Variants in SH2B3 observed in about 807,000 individuals in gnomAD.
The protein encoded by SH2B3 is SH2B adaptor protein 3.
A neutral mutation model predicts 51.9 loss-of-function variants in SH2B3; 43 were observed. The ratio of observed to expected loss-of-function variants is 0.83; its 90% confidence interval spans 0.65 to 1.07. The LOEUF (loss-of-function observed/expected upper bound fraction) is 1.07, where lower values mean the gene tolerates loss of function less well. SH2B3 is among the 50% of genes least tolerant of loss of function. The probability of loss-of-function intolerance (pLI) is 0.00; values close to 1 mark genes in which losing one functional copy is unlikely to be tolerated. For synonymous variants in SH2B3, 396 were observed against 376.0 expected (o/e 1.05, Z -0.62); for missense variants, 952 against 834.3 (o/e 1.14, Z -1.74).
intron 2 of SH2B3, among the ~76,000 whole-genome samples, chr12:111,431,742 T>C (rs1032484416): frequency 2.6e-5 from 4 of 152,120 alleles, no homozygotes; most frequent in African/African-American, 9.7e-5. Context: ...GCTATTAGCA[T>C]AGACATTAGC....
intron 2 of SH2B3, among the ~76,000 whole-genome samples, chr12:111,432,212 C>T (rs990115817): frequency 8.6e-5 from 13 of 151,892 alleles, no homozygotes; most frequent in Admixed American, 3.9e-4. Flanking sequence ...CCACCACGCC[C>T]GGCTAATTTT....
In SH2B3 at chr12:111,410,026, C is replaced by G. The variant is rs1268737905; in HGVS notation, c.-28+3749C>G. Among the ~76,000 whole-genome samples, 1 of 152,196 alleles carries G rather than the reference C, an allele frequency of 6.6e-6. No individual in the cohort carries two copies. Among genetic ancestry groups the G allele is most frequent in the Admixed American group, 6.5e-5 (1 of 15,278 alleles). ...TTCCTTGTGAGCCAGGCCTGGAGCC[C>G]CTGGGGGCCCACCCGGATGTGGCTA... On this transcript the variant is annotated intron_variant, in intron 1 of 7. Coordinates refer to ENST00000341259, the MANE Select transcript of SH2B3 (RefSeq NM_005475.3). This position sits in a 1 kb window ranked among gnomAD's most constrained non-coding sequence, Gnocchi z 4.9.
At chr12:111,444,945 G>A in intron 2 of SH2B3, 1 of 914,244 alleles carries the variant, frequency 1.1e-6, no homozygotes, top group Non-Finnish European at 1.3e-6. Context: ...AAGGGCTGCT[G>A]TGGGGAGTTG....
intron 2 of SH2B3, among the ~76,000 whole-genome samples, chr12:111,445,149 C>A (rs1475735520): frequency 1.3e-5 from 2 of 152,166 alleles, no homozygotes; most frequent in East Asian, 1.9e-4. Context: ...AGCACTGACA[C>A]TGGGGACTAG....
chr12:111,444,323 C>T (rs1309692450), intron 2 of SH2B3: 1 of 152,196 alleles, frequency 6.6e-6, no homozygotes, highest in African/African-American at 2.4e-5. Context: ...ACGTCTTTGA[C>T]TTTGAGATTC....
Position 111,418,629 on chromosome 12 carries a change from G to GC in SH2B3, c.489dup (p.Gly164ArgfsTer8), listed in dbSNP as rs776317487. The GC allele has an allele frequency of 1.4e-6, 2 of 1,474,126 alleles. No homozygotes were observed. The highest frequency in any genetic ancestry group is 1.8e-6 in the Non-Finnish European group (2 of 1,121,978). The allele number at this position is 1,474,126 out of a possible 1,614,324, so 91.3% of individuals were successfully genotyped here. A position where few individuals can be genotyped will look rare whatever the true frequency, so the allele number is the denominator to read the frequency against. On this transcript the variant is annotated frameshift_variant, in exon 2 of 8. Transcript: ENST00000341259. LOFTEE classifies it high-confidence loss of function. This position sits in a 1 kb window ranked among gnomAD's most constrained non-coding sequence, Gnocchi z 6.7. ...GCTGCCAGCGGCCCACACCGCTGCC[G>GC]CCCCCGGGACCCCCGGAGAGGCTGC...
intron 2 of SH2B3, among the ~76,000 whole-genome samples, chr12:111,446,518 G>C (rs1368009905): frequency 6.6e-6 from 1 of 152,196 alleles, no homozygotes; most frequent in Non-Finnish European, 1.5e-5. Context: ...GGTCCAATGG[G>C]CTGGGAGGGC....
chr12:111,404,846 G>A (rs567391197), upstream of SH2B3, among the ~76,000 whole-genome samples: 2 of 152,366 alleles, frequency 1.3e-5, no homozygotes, highest in South Asian at 2.1e-4. Context: ...TCATAGGCAA[G>A]GAAGTGGAGA....
intron 1 of SH2B3, among the ~76,000 whole-genome samples, chr12:111,412,362 G>A (rs2135536737): frequency 6.6e-6 from 1 of 152,222 alleles, no homozygotes. Flanking sequence ...TTCCTGCCCG[G>A]AGCAGCCTGA....
chr12:111,446,909 C>T (rs752216237), intron 3 of SH2B3, 33 bp from the exon 4 acceptor site: 4 of 1,605,220 alleles, frequency 2.5e-6, no homozygotes, highest in Non-Finnish European at 3.4e-6. Flanking sequence ...ACACATACAG[C>T]AGACCCAACC....
At position 111,446,089 on chromosome 12, in the gene SH2B3, T is replaced by C. The variant is rs1007022379; in HGVS notation, c.733-664T>C. 2.9e-4 allele frequency among the ~76,000 whole-genome samples: 44 copies of C among 152,344 alleles called. 1 individual carries two copies. The highest frequency in any genetic ancestry group is 1.0e-3 in the African/African-American group (43 of 41,586). On this transcript the variant is annotated intron_variant, in intron 2 of 7. Coordinates refer to ENST00000341259, the MANE Select transcript of SH2B3 (RefSeq NM_005475.3). ...CTCATCTCTTTCTCCCCTTTTCTTCTTTCGGCCATCTTTTCAGTCTTATCA... is the reference window on the plus strand; with the variant it reads ...CTCATCTCTTTCTCCCCTTTTCTTCCTTCGGCCATCTTTTCAGTCTTATCA...
At chr12:111,440,504 G>A (rs1159305902) in intron 2 of SH2B3, among the ~76,000 whole-genome samples, 1 of 152,172 alleles carries the variant, frequency 6.6e-6, no homozygotes, top group Non-Finnish European at 1.5e-5. Flanking sequence ...CTGCTGGTGG[G>A]CCACCCAGGC....
In SH2B3 at chr12:111,447,051, C is replaced by T. The variant is rs1324044946; in HGVS notation, c.926+18C>T. 3 of 1,609,934 alleles carry T rather than the reference C, an allele frequency of 1.9e-6. No individual in the cohort carries two copies. Among genetic ancestry groups the T allele is most frequent in the Non-Finnish European group, 1.7e-6 (2 of 1,176,336 alleles). ...GGCCGAGGGTGAGGTCCTGGGCCCT[C>T]GTCCCTGGCACCACCTTTGCTGCTA... On this transcript the variant is annotated intron_variant, in intron 4 of 7. Coordinates refer to ENST00000341259, the MANE Select transcript of SH2B3 (RefSeq NM_005475.3).
In SH2B3 at chr12:111,447,722, G is replaced by A. The variant is rs199694759; in HGVS notation, c.1303G>A (p.Val435Met). 3.0e-5 allele frequency: 48 copies of A among 1,613,980 alleles called. No individual in the cohort carries two copies. The highest frequency in any genetic ancestry group is 2.0e-4 in the East Asian group (9 of 44,872). The change falls in exon 7 of 8, where the codon GTG becomes ATG. Residue 435 changes from valine to methionine, a missense_variant. By Grantham distance (21) the Val-to-Met change is conservative. Coordinates refer to ENST00000341259, the MANE Select transcript of SH2B3 (RefSeq NM_005475.3). ...RVQHLHFPSVVDMLHHFQRSP... is the reference protein window; with the variant it reads ...RVQHLHFPSVMDMLHHFQRSP... ...GCAGCACCTCCACTTTCCCTCGGTC[G>A]TGGACATGCTCCACCACTTCCAGCG...
chr12:111,418,819 G>A lies in SH2B3; in HGVS notation c.674G>A (p.Arg225His). ...TGGCAGCGCGGGAGGCTGGCGCTGCGCCGGGCCCCGGGCCCCGATGGCCCC... is the reference window on the plus strand; with the variant it reads ...TGGCAGCGCGGGAGGCTGGCGCTGCACCGGGCCCCGGGCCCCGATGGCCCC... ...ARWQRGRLAL[R>H]RAPGPDGPDR... is the part of the protein sequence containing the mutation. Residue 225 changes from arginine (R) to histidine (H), a missense_variant, in exon 2 of 8, where the codon CGC (arginine) becomes CAC (histidine). Arg to His is a conservative substitution (Grantham distance 29, BLOSUM62 0). Coordinates refer to ENST00000341259, the MANE Select transcript of SH2B3 (RefSeq NM_005475.3). The surrounding 1 kb of genome is among the most constrained non-coding windows in gnomAD (Gnocchi z 6.7). The A allele has an allele frequency of 1.4e-6, 2 of 1,427,842 alleles. No individual in the cohort carries two copies. The highest frequency in any genetic ancestry group is 1.5e-5 in the South Asian group (1 of 68,692). 88.4% of individuals were successfully genotyped at this position (1,427,842 alleles called of 1,614,324 possible). A position where few individuals can be genotyped will look rare whatever the true frequency, so the allele number is the denominator to read the frequency against.
chr12:111,427,915 A>G (rs896594082), intron 2 of SH2B3, among the ~76,000 whole-genome samples: 1 of 152,154 alleles, frequency 6.6e-6, no homozygotes, highest in African/African-American at 2.4e-5. Context: ...ACAGATGGGG[A>G]GACTAGGTCT....
chr12:111,431,238 C>T (rs1872467500), intron 2 of SH2B3, among the ~76,000 whole-genome samples: 2 of 152,148 alleles, frequency 1.3e-5, no homozygotes, highest in Non-Finnish European at 2.9e-5. Flanking sequence ...GTGGCTGCTG[C>T]CTGGGACCCC....
rs1172557145 is a variant in SH2B3 at position 111,451,041 on chromosome 12, G to T, written c.*2739G>T. On this transcript the variant is annotated 3_prime_UTR_variant, in exon 8 of 8. Coordinates refer to ENST00000341259, the MANE Select transcript of SH2B3 (RefSeq NM_005475.3). ...CCACCAGTACAGCTTGACAGCTCCC[G>T]GCACCATCCCTTCCTTCATCTGACT... 1 of 152,580 alleles carries T rather than the reference G, an allele frequency of 6.6e-6. No homozygotes were observed. The highest frequency in any genetic ancestry group is 1.5e-5 in the Non-Finnish European group (1 of 68,056). 9.5% of individuals were successfully genotyped at this position (152,580 alleles called of 1,614,324 possible).
chr12:111,444,847 C>G lies in SH2B3; in HGVS notation c.733-1906C>G, dbSNP rs914590251. ...GGCTGGAGCCTCTGGCATAGGACAC[C>G]CATACCACCAGGTAGCTGTGGCGGA... On this transcript the variant is annotated intron_variant, in intron 2 of 7. Coordinates refer to ENST00000341259, the MANE Select transcript of SH2B3 (RefSeq NM_005475.3). The G allele has an allele frequency of 3.0e-6, 3 of 985,470 alleles. No individual in the cohort carries two copies. The African/African-American group carries it at 5.2e-5, about 17-fold the overall frequency. 61.0% of individuals were successfully genotyped at this position (985,470 alleles called of 1,614,324 possible). A position where few individuals can be genotyped will look rare whatever the true frequency, so the allele number is the denominator to read the frequency against.
Sources: allele counts gnomAD v4.1 joint callset (sites outside exome capture counted in the v4.1 genomes callset), GRCh38; gene constraint gnomAD v4.1.1; non-coding constraint Gnocchi (gnomAD v3.1); transcripts MANE v1.5; gene names NCBI Gene and HGNC (gene_info 2026-07-23, HGNC 2026-07-21).